Variants in ADAM12 observed in about 807,000 individuals in gnomAD.
ADAM12 encodes the protein disintegrin and metalloproteinase domain-containing protein 12.
A neutral mutation model predicts 106.4 loss-of-function variants in ADAM12; 70 were observed. That is an observed-to-expected ratio of 0.66 (90% confidence interval 0.54 to 0.80). ADAM12 has a LOEUF of 0.80. ADAM12 is among the 30% of genes least tolerant of loss of function. The probability of loss-of-function intolerance (pLI) is 0.00; values close to 1 mark genes in which losing one functional copy is unlikely to be tolerated. For missense variants in ADAM12, 1,010 were observed against 1,171.9 expected (o/e 0.86, Z 2.02); for synonymous variants, 420 against 433.5 (o/e 0.97, Z 0.39).
At chr10:126,184,819 C>G (rs550797772) in intron 3 of ADAM12, among the ~76,000 whole-genome samples, 1 of 152,262 alleles carries the variant, frequency 6.6e-6, no homozygotes, top group East Asian at 1.9e-4. Context: ...CTGCCTTTCC[C>G]TCTGCAAGTG....
Position 126,157,670 on chromosome 10 carries a change from C to T in ADAM12, c.261-2365G>A, listed in dbSNP as rs895359064. Among the ~76,000 whole-genome samples the T allele has an allele frequency of 2.0e-4, 30 of 152,212 alleles. 1 individual carries two copies. Among genetic ancestry groups the T allele is most frequent in the African/African-American group, 7.2e-4 (30 of 41,448 alleles). On this transcript the variant is annotated intron_variant, in intron 3 of 22. Coordinates refer to ENST00000448723, the MANE Select transcript of ADAM12 (RefSeq NM_001288973.2). ...TCACTGGCAAAGGCACGTGGGCCTC[C>T]CAAGTGCTGCCCCTCACTCTCCTCA...
intron 10 of ADAM12, among the ~76,000 whole-genome samples, chr10:126,097,624 G>T (rs1955580665): frequency 6.6e-6 from 1 of 152,190 alleles, no homozygotes; most frequent in Non-Finnish European, 1.5e-5. Context: ...GTTTAATGGA[G>T]ATGGAAGAAT....
intron 6 of ADAM12, among the ~76,000 whole-genome samples, chr10:126,113,509 A>C (rs1955909155): frequency 6.8e-6 from 1 of 147,740 alleles, no homozygotes; most frequent in South Asian, 2.1e-4. Context: ...AAAACAGATA[A>C]ATTAGCCAGG....
At chr10:126,289,075 G>A (rs534662092) in intron 2 of ADAM12, among the ~76,000 whole-genome samples, 73 of 150,518 alleles carry the variant, frequency 4.8e-4, no homozygotes, top group African/African-American at 1.8e-3. Flanking sequence ...GTGGTGACAC[G>A]GTGGCCCAGG....
At chr10:126,217,618 T>G (rs1958011251) in intron 3 of ADAM12, among the ~76,000 whole-genome samples, 1 of 149,488 alleles carries the variant, frequency 6.7e-6, no homozygotes, top group Non-Finnish European at 1.5e-5. Context: ...CTGCCTGCCT[T>G]GGCCTCCCAA....
chr10:126,157,655 A>G (rs921452539), intron 3 of ADAM12, among the ~76,000 whole-genome samples: 1 of 152,248 alleles, frequency 6.6e-6, no homozygotes, highest in Non-Finnish European at 1.5e-5. Flanking sequence ...TCACTGGCAA[A>G]GGCACGTGGG....
At chr10:126,093,450 T>C (rs1473202284) in intron 11 of ADAM12, among the ~76,000 whole-genome samples, 1 of 152,176 alleles carries the variant, frequency 6.6e-6, no homozygotes, top group Admixed American at 6.5e-5. Context: ...CTCTAAGATC[T>C]GGTAAGGTGA....
intron 3 of ADAM12, among the ~76,000 whole-genome samples, chr10:126,176,662 T>C (rs1957225267): frequency 6.6e-6 from 1 of 152,218 alleles, no homozygotes; most frequent in South Asian, 2.1e-4. Context: ...AGCAACAGTG[T>C]AACTAAAATA....
intron 12 of ADAM12, among the ~76,000 whole-genome samples, chr10:126,071,002 A>G (rs1152655): frequency 0.75 from 113,770 of 152,154 alleles, 43,699 homozygotes; most frequent in African/African-American, 0.92. Context: ...CAGAAGCCTC[A>G]AGTCATGCAT....
intron 1 of ADAM12, among the ~76,000 whole-genome samples, chr10:126,384,868 G>A (rs1221864372): frequency 6.6e-6 from 1 of 152,170 alleles, no homozygotes; most frequent in African/African-American, 2.4e-5. Context: ...TCTACCTGGA[G>A]AAAGCATCAG....
At position 126,101,070 on chromosome 10, in the gene ADAM12, A is replaced by G; in HGVS notation, c.911+2T>C. On this transcript the variant is annotated splice_donor_variant, in intron 9 of 22. Coordinates refer to ENST00000448723, the MANE Select transcript of ADAM12 (RefSeq NM_001288973.2). LOFTEE classifies it high-confidence loss of function. ...TTAAGCAGACAAGACGTAACTCCCT[A>G]CCTGACAAGCTGCGCATTGTCATGG... 2 of 1,613,100 alleles carry G rather than the reference A, an allele frequency of 1.2e-6. No individual in the cohort carries two copies. Among genetic ancestry groups the G allele is most frequent in the Non-Finnish European group, 1.7e-6 (2 of 1,179,608 alleles).
At chr10:126,220,715 C>T (rs1294343173) in intron 3 of ADAM12, among the ~76,000 whole-genome samples, 3 of 152,210 alleles carry the variant, frequency 2.0e-5, no homozygotes, top group African/African-American at 7.2e-5. Flanking sequence ...GAATGCTTTG[C>T]TTATAAAATA....
At chr10:126,308,130 G>C (rs969003566) in intron 2 of ADAM12, among the ~76,000 whole-genome samples, 1 of 152,174 alleles carries the variant, frequency 6.6e-6, no homozygotes, top group Non-Finnish European at 1.5e-5. Context: ...CATCCTCAAG[G>C]ATGGTTCCTT....
rs370952856 is a variant in ADAM12, at chr10:126,321,071, G to T, written c.186+9341C>A. Among the ~76,000 whole-genome samples the T allele has an allele frequency of 4.6e-5, 7 of 152,124 alleles. No individual in the cohort carries two copies. In the South Asian group the frequency reaches 1.5e-3, roughly 32 times the overall value. On this transcript the variant is annotated intron_variant, in intron 2 of 22. Coordinates refer to ENST00000448723, the MANE Select transcript of ADAM12 (RefSeq NM_001288973.2). ...TTGCTTCCTGGGAACCTGACCTCGGGTCTCAAAGACAACAAGCATTCATAC... is the reference window on the plus strand; with the variant it reads ...TTGCTTCCTGGGAACCTGACCTCGGTTCTCAAAGACAACAAGCATTCATAC...
At position 126,014,444 on chromosome 10, in the gene ADAM12, G is replaced by C. The variant is rs761977879; in HGVS notation, c.*2835C>G. ...TAAAAATGCCCCCCCCCCGAGACTC[G>C]TCAGGAGTATTGACTCTCCTACAGT... On this transcript the variant is annotated 3_prime_UTR_variant, in exon 23 of 23. Coordinates refer to ENST00000448723, the MANE Select transcript of ADAM12 (RefSeq NM_001288973.2). 1 of 136,308 alleles carries C rather than the reference G, an allele frequency of 7.3e-6. No individual in the cohort carries two copies. Among genetic ancestry groups the C allele is most frequent in the Admixed American group, 8.1e-5 (1 of 12,324 alleles). The allele number at this position is 136,308 out of a possible 1,614,324, so 8.4% of individuals were successfully genotyped here.
intron 1 of ADAM12, among the ~76,000 whole-genome samples, chr10:126,340,763 G>T (rs1178518614): frequency 2.0e-5 from 3 of 150,470 alleles, no homozygotes; most frequent in Non-Finnish European, 4.4e-5. Flanking sequence ...TGTTGCCAAG[G>T]CTGGAGTGCA....
At chr10:126,377,683 T>C (rs1590843448) in intron 1 of ADAM12, among the ~76,000 whole-genome samples, 1 of 152,178 alleles carries the variant, frequency 6.6e-6, no homozygotes. Context: ...TGAAGGCTTA[T>C]TGTGAAGTAC....
rs1027512113 is a variant in ADAM12, at chr10:126,117,978, G to C, written c.603+60C>G. On this transcript the variant is annotated intron_variant, in intron 6 of 22. Transcript: ENST00000448723. The stretch of plus-strand genomic sequence containing the variant: ...ACATTTCTCCAGATGTCCTAGTGTG[G>C]GGTATCCGTAGCTTGAGCTCCTAGC... 5.1e-6 allele frequency: 8 copies of C among 1,562,074 alleles called. No individual in the cohort carries two copies. In the African/African-American group the frequency reaches 9.5e-5, roughly 19 times the overall value.
At chr10:126,207,559 C>T (rs1356651222) in intron 3 of ADAM12, among the ~76,000 whole-genome samples, 1 of 152,174 alleles carries the variant, frequency 6.6e-6, no homozygotes. Context: ...AGACTCTGCC[C>T]AGGACCTTGT....
Sources: allele counts gnomAD v4.1 joint callset (sites outside exome capture counted in the v4.1 genomes callset), GRCh38; gene constraint gnomAD v4.1.1; transcripts MANE v1.5; gene names NCBI Gene and HGNC (gene_info 2026-07-23, HGNC 2026-07-21).